MACF1: variants seen among roughly 807,000 people sequenced by gnomAD.
MACF1 encodes microtubule actin crosslinking factor 1.
MACF1 carries 193 observed loss-of-function variants against 854.8 expected under a neutral mutation model. The observed-to-expected ratio is 0.23, with a 90% confidence interval of 0.20 to 0.25. The LOEUF (loss-of-function observed/expected upper bound fraction) is 0.25, where lower values mean the gene tolerates loss of function less well. Among genes scored for constraint, MACF1 ranks in the 10% least tolerant of loss-of-function variants. MACF1 has a pLI of 1.00. For synonymous variants in MACF1, 3,185 were observed against 3,226.7 expected, an observed-to-expected ratio of 0.99 and a Z score of 0.44; for missense variants, 7,722 against 8,929.1, an observed-to-expected ratio of 0.86 and a Z score of 5.45.
chr1:39,451,293 T>G, intron 85 of MACF1, 82 bp downstream of exon 85: 7 of 1,344,468 alleles, frequency 5.2e-6, no homozygotes, highest in Non-Finnish European at 6.9e-6. Context: ...TATGACTGCC[T>G]CTGCCCTTCT....
At position 39,429,242 on chromosome 1, in the gene MACF1, G is replaced by A; in HGVS notation, c.16804G>A (p.Ala5602Thr). 6.7e-7 allele frequency: 1 copy of A among 1,486,830 alleles called. No individual in the cohort carries two copies. Among genetic ancestry groups the A allele is most frequent in the Non-Finnish European group, 9.4e-7 (1 of 1,066,646 alleles). 92.1% of individuals were successfully genotyped at this position (1,486,830 alleles called of 1,614,324 possible). The change falls in exon 64 of 101, where the codon GCT becomes ACT. Residue 5602 changes from alanine (A) to threonine (T), a missense_variant and splice_region_variant. Transcript: ENST00000564288. ...VLHRQHADHLALNEEIVNRKK... is the reference protein window; with the variant it reads ...VLHRQHADHLTLNEEIVNRKK... Reference sequence around the variant, plus strand: ...GATTAATGGTATTCTTTCCTTTCAGGCTTTAAATGAAGAAATTGTTAATAG... The same window carrying A: ...GATTAATGGTATTCTTTCCTTTCAGACTTTAAATGAAGAAATTGTTAATAG...
intron 52 of MACF1, among the ~76,000 whole-genome samples, chr1:39,374,771 A>G (rs746479415): frequency 4.6e-5 from 7 of 152,142 alleles, no homozygotes; most frequent in Non-Finnish European, 8.8e-5. Context: ...CAGAAATCTC[A>G]TATAGAACAG....
At chr1:39,291,830 C>T in intron 15 of MACF1, 80 bp from the exon 16 acceptor site, 2 of 1,468,810 alleles carry the variant, frequency 1.4e-6, no homozygotes, top group Non-Finnish European at 1.8e-6. Flanking sequence ...CCCTTGGTTC[C>T]TTGTCCTAAC....
In MACF1 at chr1:39,096,875, CTTTTTTT is replaced by C. The variant is rs34305714; in HGVS notation, c.220+12450_220+12456del. On this transcript the variant is annotated intron_variant, in intron 2 of 93. Coordinates refer to the MACF1 transcript ENST00000361689. The stretch of plus-strand genomic sequence containing the variant: ...TGCCCAGAGTCTTCATGAGGGATTC[CTTTTTTT>C]TTTTTTTTTTTTGAGACGGACTCTT... Among the ~76,000 whole-genome samples the C allele has an allele frequency of 4.0e-5, 5 of 123,806 alleles. No homozygotes were observed. In the East Asian group the frequency reaches 1.1e-3, roughly 28 times the overall value. The allele number at this position is 123,806 out of a possible 152,430, so 81.2% of individuals were successfully genotyped here.
intron 2 of MACF1, among the ~76,000 whole-genome samples, chr1:39,166,833 T>C (rs998185406): frequency 1.3e-5 from 2 of 152,092 alleles, no homozygotes; most frequent in Admixed American, 6.6e-5. Context: ...GAGAGATAAC[T>C]GGCAGCAGTG....
At chr1:39,102,807 A>G in intron 2 of MACF1, 1 of 702,616 alleles carries the variant, frequency 1.4e-6, no homozygotes. Context: ...GACCAAAAGG[A>G]GAAAGCCTCA....
intron 58 of MACF1, among the ~76,000 whole-genome samples, chr1:39,392,278 C>T (rs6681763): frequency 0.028 from 4,306 of 152,104 alleles, 82 homozygotes; most frequent in South Asian, 0.042. Flanking sequence ...CCCAGGAGGC[C>T]GCATAAAGGG....
chr1:39,437,737 TG>T, intron 70 of MACF1, 39 bp from the exon 71 acceptor site: 1 of 1,346,248 alleles, frequency 7.4e-7, no homozygotes. Context: ...AGAAGAGTGA[TG>T]AGGTATGCTG....
chr1:39,318,903 A>G (rs1646462109), intron 30 of MACF1, among the ~76,000 whole-genome samples: 1 of 152,000 alleles, frequency 6.6e-6, no homozygotes, highest in Non-Finnish European at 1.5e-5. Context: ...ATTTTATTTT[A>G]CTAGGATTAG....
intron 58 of MACF1, chr1:39,412,380 C>A: frequency 6.2e-7 from 1 of 1,613,966 alleles, no homozygotes; most frequent in South Asian, 1.1e-5. Context: ...GAAATGTGGT[C>A]ACTTGTGAAT....
chr1:39,202,363 G>A (rs562187760), upstream of MACF1, among the ~76,000 whole-genome samples: 2 of 150,952 alleles, frequency 1.3e-5, no homozygotes, highest in African/African-American at 4.9e-5. Flanking sequence ...CTGGCCGGGC[G>A]CAGTGGCTCA....
At chr1:39,264,818 C>T (rs1379790340) in intron 6 of MACF1, among the ~76,000 whole-genome samples, 1 of 151,708 alleles carries the variant, frequency 6.6e-6, no homozygotes, top group South Asian at 2.1e-4. Context: ...GGACTACAGG[C>T]GCCCGCCACC....
In MACF1 at chr1:39,333,420, G is replaced by T. The variant is rs1401492424; in HGVS notation, c.6832G>T (p.Glu2278Ter). Residue 2278 changes from glutamate (E) to a stop codon, truncating the protein, a stop_gained, in exon 37 of 101, where the codon GAA becomes TAA. Coordinates refer to ENST00000564288, the MANE Select transcript of MACF1 (RefSeq NM_001394062.1). LOFTEE classifies it high-confidence loss of function. Reference sequence around the variant, plus strand: ...TTTTCTGTCATGCAGTCATCCATTAGAATTGCTTGAAGAAGCTACCTTAAA... The same window carrying T: ...TTTTCTGTCATGCAGTCATCCATTATAATTGCTTGAAGAAGCTACCTTAAA... Reference protein sequence around the residue: ...EIFLSCSHPLELLEEATLNVL... With the variant: ...EIFLSCSHPL 6.2e-7 allele frequency: 1 copy of T among 1,614,110 alleles called. No homozygotes were observed. Among genetic ancestry groups the T allele is most frequent in the Non-Finnish European group, 8.5e-7 (1 of 1,180,006 alleles).
At chr1:39,390,640 T>G (rs1641995533) in intron 58 of MACF1, among the ~76,000 whole-genome samples, 1 of 152,234 alleles carries the variant, frequency 6.6e-6, no homozygotes. Context: ...TGTTTCAGCT[T>G]GCACATTTTT....
At chr1:39,408,178 T>A (rs1642789186) in intron 58 of MACF1, among the ~76,000 whole-genome samples, 1 of 152,170 alleles carries the variant, frequency 6.6e-6, no homozygotes, top group Non-Finnish European at 1.5e-5. Context: ...GCTCAGCTGT[T>A]GGCATCCCCA....
intron 15 of MACF1, among the ~76,000 whole-genome samples, chr1:39,291,401 AT>A (rs1273651246): frequency 6.6e-6 from 1 of 152,202 alleles, no homozygotes; most frequent in African/African-American, 2.4e-5. Flanking sequence ...CTTTTGTTTT[AT>A]ATTAAATTCT....
intron 99 of MACF1, among the ~76,000 whole-genome samples, chr1:39,483,109 A>C (rs1400288684): frequency 8.2e-6 from 1 of 122,370 alleles, no homozygotes; most frequent in Non-Finnish European, 1.6e-5. Context: ...AAAAAAAAAA[A>C]AAACACCCAC....
intron 79 of MACF1, 56 bp from the exon 80 acceptor site, chr1:39,444,606 G>T: frequency 6.7e-7 from 1 of 1,488,378 alleles, no homozygotes. Context: ...GAATCTATAT[G>T]TAGGTGTCTT....
intron 58 of MACF1, among the ~76,000 whole-genome samples, chr1:39,400,709 C>T (rs1406955725): frequency 1.3e-5 from 2 of 152,012 alleles, no homozygotes; most frequent in African/African-American, 2.4e-5. Flanking sequence ...GGTTTTACCA[C>T]GTTGCCCAGG....
Sources: gnomAD v4.1 joint callset for allele counts (sites outside exome capture counted in the v4.1 genomes callset) on GRCh38, gnomAD v4.1.1 for gene constraint, MANE v1.5 for transcripts, NCBI Gene and HGNC (gene_info 2026-07-23, HGNC 2026-07-21) for gene names.